The following ZFR2 variants were observed in gnomAD, a reference collection of about 807,000 sequenced individuals.
ZFR2 encodes zinc finger RNA-binding protein 2.
In ZFR2, 104 loss-of-function variants were observed where a neutral mutation model predicts 105.7. The ratio of observed to expected loss-of-function variants is 0.98; its 90% CI spans 0.84 to 1.16. The LOEUF is 1.16. Ranked by LOEUF, ZFR2 falls within the 50% of genes most tolerant of loss-of-function variation. The probability of loss-of-function intolerance (pLI) is 0.00; values close to 1 mark genes in which losing one functional copy is unlikely to be tolerated. For missense variants in ZFR2, 1,425 were observed against 1,355.5 expected (o/e 1.05, Z -0.80); for synonymous variants, 634 against 597.7 (o/e 1.06, Z -0.89).
chr19:3,816,289 AG>A (rs1286524670), intron 13 of ZFR2, among the ~76,000 whole-genome samples: 1 of 130,506 alleles, frequency 7.7e-6, no homozygotes, highest in Non-Finnish European at 1.5e-5. Flanking sequence ...TCTGTCGCCC[AG>A]GCTGGAGGGC....
rs146002087 is a variant in ZFR2, at chr19:3,814,376, G to A, written c.2104-418C>T. 2.9e-3 allele frequency among the ~76,000 whole-genome samples: 437 copies of A among 152,222 alleles called. 11 individuals are homozygous for A. In the East Asian group the frequency reaches 0.041, roughly 14 times the overall value. ...GAGTAAACTAAAACCATAATGAGAC[G>A]CCACCATCTCCTGTGAGCAGGACAT... On this transcript the variant is annotated intron_variant, in intron 13 of 18. Transcript: ENST00000262961.
chr19:3,821,909 G>T (rs539157320), intron 9 of ZFR2, among the ~76,000 whole-genome samples, 172 bp downstream of exon 9: 1 of 152,034 alleles, frequency 6.6e-6, no homozygotes, highest in African/African-American at 2.4e-5. Flanking sequence ...GCGCCCGGCC[G>T]AAGATACACT....
chr19:3,855,434 C>G, intron 1 of ZFR2: 1 of 1,231,666 alleles, frequency 8.1e-7, no homozygotes, highest in Non-Finnish European at 1.0e-6. Context: ...CCGGGCGATC[C>G]GGCGGCAGAT....
At chr19:3,833,377 C>T (rs563155964) in intron 3 of ZFR2, among the ~76,000 whole-genome samples, 5 of 152,128 alleles carry the variant, frequency 3.3e-5, no homozygotes, top group South Asian at 2.1e-4. Context: ...GAGATGGAGA[C>T]CATCCTGGCT....
rs781166013 is a variant in ZFR2, at chr19:3,823,343, T to C, written c.1274A>G (p.Lys425Arg). ...GGTAGGTGCTCCGGGACCCTCTAAT[T>C]TAGGTTGGGCTGGTTTCCCCCACTG... The part of the protein sequence containing the change: ...RPQWGKPAQP[K>R]LEGPGAPTQG... The change falls in exon 8 of 19, where the codon AAA (lysine) becomes AGA (arginine). Residue 425 changes from lysine to arginine, a missense_variant. Transcript: ENST00000262961. The surrounding 1 kb of genome is among the most constrained non-coding windows in gnomAD (Gnocchi z 5.4). 5.6e-6 allele frequency: 9 copies of C among 1,613,776 alleles called. 1 individual carries two copies. In the South Asian group the frequency reaches 8.8e-5, roughly 16 times the overall value.
At chr19:3,844,858 C>T (rs943706507) in intron 1 of ZFR2, among the ~76,000 whole-genome samples, 2 of 152,170 alleles carry the variant, frequency 1.3e-5, no homozygotes, top group Admixed American at 1.3e-4. Context: ...AATGGAGCTC[C>T]CCGTGGCCCA....
At chr19:3,818,701 G>A (rs892697202) in intron 12 of ZFR2, among the ~76,000 whole-genome samples, 5 of 152,210 alleles carry the variant, frequency 3.3e-5, no homozygotes, top group Non-Finnish European at 2.9e-5. Flanking sequence ...GGAGAAGTCC[G>A]TCAGAATCAC....
chr19:3,866,354 A>G (rs1318482798), intron 1 of ZFR2, among the ~76,000 whole-genome samples: 1 of 152,020 alleles, frequency 6.6e-6, no homozygotes, highest in Non-Finnish European at 1.5e-5. Context: ...CTCTGCGGCA[A>G]TTCTAAGGAC....
intron 13 of ZFR2, among the ~76,000 whole-genome samples, chr19:3,814,558 A>C (rs968643654): frequency 6.6e-6 from 1 of 152,124 alleles, no homozygotes; most frequent in Non-Finnish European, 1.5e-5. Context: ...GCTGCAAGGC[A>C]GCCCCCAGGG....
rs781206040 is a variant in ZFR2 at position 3,805,972 on chromosome 19, G to A, written c.2797C>T (p.Arg933Trp). Reference sequence around the variant, plus strand: ...GCTCACACGAGCCCCTCTCCGCCCCGCCGGCCCCGCTTCTTCTCCCCTGCG... The same window carrying A: ...GCTCACACGAGCCCCTCTCCGCCCCACCGGCCCCGCTTCTTCTCCCCTGCG... The part of the protein sequence containing the change: ...EGAGEKKRGR[R>W]GGEGLV Residue 933 changes from arginine (R) to tryptophan (W), a missense_variant, in exon 19 of 19, where the codon CGG becomes TGG. By Grantham distance (101) the Arg-to-Trp change is moderately radical. Transcript: ENST00000262961. 7.8e-6 allele frequency: 12 copies of A among 1,537,834 alleles called. No individual in the cohort carries two copies. Among genetic ancestry groups the A allele is most frequent in the African/African-American group, 4.1e-5 (3 of 72,484 alleles).
chr19:3,854,234 C>CAA (rs57111652), intron 1 of ZFR2, among the ~76,000 whole-genome samples: 28 of 151,386 alleles, frequency 1.8e-4, no homozygotes, highest in African/African-American at 6.3e-4. Flanking sequence ...TATAAAAATA[C>CAA]AAAAAAAATG....
At chr19:3,859,800 T>G (rs923559577) in intron 1 of ZFR2, among the ~76,000 whole-genome samples, 5 of 152,252 alleles carry the variant, frequency 3.3e-5, no homozygotes, top group African/African-American at 1.2e-4. Flanking sequence ...AGAATTTCAT[T>G]TTGTGGCACT....
rs774806816 is a variant in ZFR2, at chr19:3,816,804, C to T, written c.1973G>A (p.Arg658Gln). The T allele has an allele frequency of 7.6e-6, 12 of 1,588,440 alleles. No homozygotes were observed. In the East Asian group the frequency reaches 1.1e-4, roughly 15 times the overall value. ...GAGGCCTTTCGCCAGGATGCCTACT[C>T]GCATGACGCCTTTCAGGACCCGAGT... The part of the protein sequence containing the change: ...PQTRVLKGVM[R>Q]VGILAKGLLL... The change falls in exon 13 of 19, where the codon CGA (arginine) becomes CAA (glutamine). Residue 658 changes from arginine (R) to glutamine (Q), a missense_variant. Coordinates refer to ENST00000262961, the MANE Select transcript of ZFR2 (RefSeq NM_015174.2).
chr19:3,851,442 C>T lies in ZFR2; in HGVS notation c.54-16459G>A, dbSNP rs1428895559. On this transcript the variant is annotated intron_variant, in intron 1 of 18. Coordinates refer to ENST00000262961, the MANE Select transcript of ZFR2 (RefSeq NM_015174.2). ...AAGTCATTGCTTGTGACCCCAGAAG[C>T]CACCAAAACATGCAAATGCATGCAC... is the stretch of plus-strand genomic sequence containing the variant. Among the ~76,000 whole-genome samples the T allele has an allele frequency of 2.0e-5, 3 of 152,222 alleles. No homozygotes were observed. In the South Asian group the frequency reaches 6.2e-4, roughly 32 times the overall value.
At position 3,831,361 on chromosome 19, in the gene ZFR2, G is replaced by T. The variant is rs2038012602; in HGVS notation, c.794C>A (p.Pro265His). The T allele has an allele frequency of 1.9e-6, 3 of 1,557,300 alleles. No individual in the cohort carries two copies. The Middle Eastern group carries it at 5.1e-4, about 263-fold the overall frequency. Reference sequence around the variant, plus strand: ...GCAGTAGTGAAGCTGGAGCTGCCTGGGCCCCGCCTTGGGTCTCGGCAGCTT... The same window carrying T: ...GCAGTAGTGAAGCTGGAGCTGCCTGTGCCCCGCCTTGGGTCTCGGCAGCTT... The part of the protein sequence containing the change: ...PSKLPRPKAG[P>H]RQLQLHYCDI... The change falls in exon 5 of 19, where the codon CCC becomes CAC. Residue 265 changes from proline to histidine, a missense_variant. Transcript: ENST00000262961.
At chr19:3,833,519 T>C (rs1599238403) in intron 3 of ZFR2, 145 bp downstream of exon 3, 11 of 602,352 alleles carry the variant, frequency 1.8e-5, no homozygotes, top group African/African-American at 3.8e-5. Flanking sequence ...AAGCTTGCAG[T>C]GAGCCGAGAT....
rs1445885027 is a variant in ZFR2, at chr19:3,822,138, G to A, written c.1434C>T (p.Asn478=). The A allele has an allele frequency of 6.2e-7, 1 of 1,610,226 alleles. No homozygotes were observed. Among genetic ancestry groups the A allele is most frequent in the Non-Finnish European group, 8.5e-7 (1 of 1,178,580 alleles). ...FHCKLCECSF[N]DLNAKDLHVR... ...CGTGCAGGTCCTTCGCGTTAAGGTC[G>A]TTGAAACTGCACTCGCACAGCTTGC... The change falls in exon 9 of 19, where the codon AAC becomes AAT. Residue 478 remains asparagine (N), a synonymous_variant. Transcript: ENST00000262961.
intron 11 of ZFR2, among the ~76,000 whole-genome samples, chr19:3,819,847 T>C (rs554067580): frequency 2.6e-3 from 156 of 59,970 alleles, no homozygotes; most frequent in African/African-American, 9.6e-3. Context: ...AGTGAGACTC[T>C]GTCTCAAAAA....
chr19:3,809,121 G>T, intron 16 of ZFR2, 138 bp from the exon 17 acceptor site: 1 of 602,692 alleles, frequency 1.7e-6, no homozygotes, highest in Non-Finnish European at 2.7e-6. Context: ...AACTTCCGCC[G>T]AGGAGGGCTG....
Sources: allele counts gnomAD v4.1 joint callset (sites outside exome capture counted in the v4.1 genomes callset), GRCh38; gene constraint gnomAD v4.1.1; non-coding constraint Gnocchi (gnomAD v3.1); transcripts MANE v1.5; gene names NCBI Gene and HGNC (gene_info 2026-07-23, HGNC 2026-07-21).